CACNA2D3: variants seen among roughly 807,000 people sequenced by gnomAD.
CACNA2D3 encodes the protein calcium voltage-gated channel auxiliary subunit alpha2delta 3.
In CACNA2D3, 60 loss-of-function variants were observed where a neutral mutation model predicts 160.6. That is an observed-to-expected ratio of 0.37 (90% CI 0.30 to 0.46). The LOEUF is 0.46. Ranked by LOEUF, CACNA2D3 falls within the 20% of genes least tolerant of loss-of-function variation. The pLI is 1.00. For missense variants in CACNA2D3, 1,205 were observed against 1,365.0 expected (o/e 0.88, Z 1.85); for synonymous variants, 558 against 492.9 (o/e 1.13, Z -1.75).
In CACNA2D3 at chr3:54,752,636, C is replaced by G; in HGVS notation, c.1205C>G (p.Ala402Gly). Residue 402 changes from alanine (A) to glycine (G), a missense_variant, in exon 12 of 38, where the codon GCG becomes GGG. By Grantham distance (60) the Ala-to-Gly change is moderately conservative. This residue lies in a region of CACNA2D3 where 911 missense variants were observed against 1,002.2 expected (regional missense o/e 0.91). Transcript: ENST00000474759. The stretch of plus-strand genomic sequence containing the variant: ...ACATACCTCATTGGACGAGAGGCTG[C>G]GTTTGCAGACAATCTAAAGTGGATG... The part of the protein sequence containing the change: ...IFTYLIGREA[A>G]FADNLKWMAC... The G allele has an allele frequency of 6.2e-7, 1 of 1,613,436 alleles. No homozygotes were observed. Among genetic ancestry groups the G allele is most frequent in the Non-Finnish European group, 8.5e-7 (1 of 1,179,662 alleles).
chr3:54,632,355 A>G (rs1699258747), intron 10 of CACNA2D3: 1 of 152,202 alleles, frequency 6.6e-6, no homozygotes, highest in African/African-American at 2.4e-5. Context: ...GTTTGTGAAC[A>G]ATGGCCCTAG....
At chr3:54,780,520 A>T (rs1298417284) in intron 13 of CACNA2D3, among the ~76,000 whole-genome samples, 1 of 152,238 alleles carries the variant, frequency 6.6e-6, no homozygotes, top group African/African-American at 2.4e-5. Context: ...TTGGTGGGAC[A>T]TCATCATGAT....
intron 3 of CACNA2D3, among the ~76,000 whole-genome samples, chr3:54,377,458 T>G (rs1444426022): frequency 6.6e-6 from 1 of 152,236 alleles, no homozygotes; most frequent in Non-Finnish European, 1.5e-5. Flanking sequence ...GAAGTTTCCT[T>G]GTTTCAATCA....
At chr3:54,823,382 T>A (rs1340840898) in intron 14 of CACNA2D3, among the ~76,000 whole-genome samples, 2 of 150,104 alleles carry the variant, frequency 1.3e-5, no homozygotes, top group African/African-American at 4.9e-5. Context: ...ATTAACTTTT[T>A]TAAAAGTTTT....
chr3:55,021,868 T>G (rs543860630), intron 35 of CACNA2D3, among the ~76,000 whole-genome samples: 13 of 152,052 alleles, frequency 8.5e-5, no homozygotes, highest in African/African-American at 3.1e-4. Flanking sequence ...CCTAATTAAA[T>G]GGCCTTGTGG....
chr3:54,319,382 G>A (rs1336969757), intron 2 of CACNA2D3, among the ~76,000 whole-genome samples: 1 of 152,098 alleles, frequency 6.6e-6, no homozygotes, highest in Non-Finnish European at 1.5e-5. Flanking sequence ...ATGAGATGTG[G>A]AGCCCCTTGA....
At chr3:54,409,244 C>T (rs1024649424) in intron 4 of CACNA2D3, among the ~76,000 whole-genome samples, 1 of 152,168 alleles carries the variant, frequency 6.6e-6, no homozygotes, top group Admixed American at 6.5e-5. Flanking sequence ...CAGACTTTTT[C>T]ACTATTGCTA....
At chr3:54,142,027 A>G (rs1408718443) in intron 2 of CACNA2D3, among the ~76,000 whole-genome samples, 1 of 152,226 alleles carries the variant, frequency 6.6e-6, no homozygotes, top group East Asian at 1.9e-4. Flanking sequence ...GAATGCTGAT[A>G]GTTCATGACC....
chr3:54,672,015 C>T (rs1417531968), intron 11 of CACNA2D3, among the ~76,000 whole-genome samples: 2 of 152,162 alleles, frequency 1.3e-5, no homozygotes, highest in Non-Finnish European at 2.9e-5. Flanking sequence ...CAGGTGTACT[C>T]TGAAAGTTTC....
intron 14 of CACNA2D3, among the ~76,000 whole-genome samples, chr3:54,818,042 TAGAG>T (rs57340785): frequency 0.31 from 47,553 of 151,888 alleles, 7,810 homozygotes; most frequent in Non-Finnish European, 0.37. Context: ...ATTTTTTTGA[TAGAG>T]AGACTTCACA....
At chr3:54,441,544 G>C (rs1044335205) in intron 4 of CACNA2D3, among the ~76,000 whole-genome samples, 16 of 152,130 alleles carry the variant, frequency 1.1e-4, no homozygotes, top group Non-Finnish European at 2.1e-4. Context: ...TGGTGTTTTA[G>C]ACATGAAGTC....
At chr3:54,832,310 G>A (rs1407484307) in intron 14 of CACNA2D3, among the ~76,000 whole-genome samples, 1 of 152,132 alleles carries the variant, frequency 6.6e-6, no homozygotes, top group Non-Finnish European at 1.5e-5. Flanking sequence ...AAGTGCTCTG[G>A]TTAACACAGC....
At chr3:54,689,226 G>A (rs1449748744) in intron 11 of CACNA2D3, among the ~76,000 whole-genome samples, 1 of 152,060 alleles carries the variant, frequency 6.6e-6, no homozygotes, top group Non-Finnish European at 1.5e-5. Flanking sequence ...GGATACTGAG[G>A]CCTGTTGGTT....
At chr3:54,192,819 A>G in intron 2 of CACNA2D3, among the ~76,000 whole-genome samples, 1 of 152,192 alleles carries the variant, frequency 6.6e-6, no homozygotes, top group East Asian at 1.9e-4. Context: ...TGCAAGGGAA[A>G]GTGACTTCAA....
chr3:54,665,544 TATA>T (rs1252528142), intron 11 of CACNA2D3, among the ~76,000 whole-genome samples: 4 of 23,620 alleles, frequency 1.7e-4, no homozygotes, highest in African/African-American at 8.1e-4. Flanking sequence ...CTCAGCTCCA[TATA>T]CTACTGTGTA....
intron 13 of CACNA2D3, among the ~76,000 whole-genome samples, chr3:54,771,280 C>G (rs1041980623): frequency 6.6e-6 from 1 of 152,196 alleles, no homozygotes; most frequent in Non-Finnish European, 1.5e-5. Flanking sequence ...TGCTAGTTCT[C>G]TACTGCCCTT....
intron 13 of CACNA2D3, among the ~76,000 whole-genome samples, chr3:54,773,125 C>T (rs768256471): frequency 1.1e-4 from 16 of 152,214 alleles, no homozygotes; most frequent in Non-Finnish European, 1.8e-4. Flanking sequence ...GCAAATTGGA[C>T]CTGTATCCCT....
At chr3:54,880,420 C>G (rs776566066) in intron 20 of CACNA2D3, among the ~76,000 whole-genome samples, 3 of 152,142 alleles carry the variant, frequency 2.0e-5, no homozygotes, top group Non-Finnish European at 1.5e-5. Context: ...GTCCCAAAGT[C>G]TAGGGGCTGG....
intron 2 of CACNA2D3, among the ~76,000 whole-genome samples, chr3:54,128,346 A>G (rs1253363762): frequency 6.6e-6 from 1 of 152,114 alleles, no homozygotes; most frequent in Non-Finnish European, 1.5e-5. Context: ...CACACCCGGC[A>G]CCTGTGGCCC....
Sources: gnomAD v4.1 joint callset for allele counts (sites outside exome capture counted in the v4.1 genomes callset) on GRCh38, gnomAD v4.1.1 for gene constraint, gnomAD v4.1.1 regional missense constraint, MANE v1.5 for transcripts, NCBI Gene and HGNC (gene_info 2026-07-23, HGNC 2026-07-21) for gene names.